The following SEPTIN9 variants were observed in gnomAD, a reference collection of about 807,000 sequenced individuals.
The protein encoded by SEPTIN9 is septin-9.
SEPTIN9 carries 13 observed loss-of-function variants against 56.6 expected under a neutral mutation model. The ratio of observed to expected loss-of-function variants is 0.23; its 90% CI spans 0.15 to 0.37. The LOEUF (loss-of-function observed/expected upper bound fraction) is 0.37, where lower values mean the gene tolerates loss of function less well. Among genes scored for constraint, SEPTIN9 ranks in the 10% least tolerant of loss-of-function variants. The probability of loss-of-function intolerance (pLI) is 1.00; values close to 1 mark genes in which losing one functional copy is unlikely to be tolerated. For missense variants in SEPTIN9, 650 were observed against 823.1 expected, an observed-to-expected ratio of 0.79 and a Z score of 2.57; for synonymous variants, 332 against 334.1, an observed-to-expected ratio of 0.99 and a Z score of 0.07.
intron 2 of SEPTIN9, chr17:77,376,224 G>T (rs1346168737): frequency 6.1e-6 from 6 of 986,072 alleles, no homozygotes; most frequent in Non-Finnish European, 7.2e-6. Context: ...CATAAGGAGG[G>T]GCCTGCCTGT....
intron 4 of SEPTIN9, among the ~76,000 whole-genome samples, chr17:77,484,361 C>G (rs1428759748): frequency 5.8e-5 from 5 of 86,250 alleles, no homozygotes; most frequent in African/African-American, 9.8e-5. Flanking sequence ...TGATAGTGAT[C>G]ATGAGGGTGA....
chr17:77,368,151 A>G lies in SEPTIN9; in HGVS notation c.77-33908A>G, dbSNP rs184248054. 4.1e-3 allele frequency among the ~76,000 whole-genome samples: 626 copies of G among 152,280 alleles called. 2 individuals carry two copies. Among genetic ancestry groups the G allele is most frequent in the Non-Finnish European group, 5.6e-3 (379 of 68,016 alleles). ...AATGACGGTTGCCAGCAGCTAGGGG[A>G]AGGAAGGATGGGGAGTTATTGTTTA... On this transcript the variant is annotated intron_variant, in intron 2 of 11. Coordinates refer to ENST00000427177, the MANE Select transcript of SEPTIN9 (RefSeq NM_001113491.2).
In SEPTIN9 at chr17:77,435,031, C is replaced by A. The variant is rs1340347644; in HGVS notation, c.721+32328C>A. On this transcript the variant is annotated intron_variant, in intron 3 of 11. Coordinates refer to ENST00000427177, the MANE Select transcript of SEPTIN9 (RefSeq NM_001113491.2). This position sits in a 1 kb window ranked among gnomAD's most constrained non-coding sequence, Gnocchi z 4.5. ...ATGGTAACAAGGGCTTCCTGAGGAC[C>A]CCGAGCTGTCTTAAGGGCTCTTTAC... is the stretch of plus-strand genomic sequence containing the variant. Among the ~76,000 whole-genome samples, 1 of 152,110 alleles carries A rather than the reference C, an allele frequency of 6.6e-6. No homozygotes were observed. The highest frequency in any genetic ancestry group is 1.5e-5 in the Non-Finnish European group (1 of 68,008).
intron 7 of SEPTIN9, among the ~76,000 whole-genome samples, chr17:77,490,212 T>C (rs2039965986): frequency 6.6e-6 from 1 of 152,214 alleles, no homozygotes; most frequent in Non-Finnish European, 1.5e-5. Context: ...CTGGGGAAGA[T>C]GGTGCCCCAG....
intron 2 of SEPTIN9, among the ~76,000 whole-genome samples, chr17:77,380,479 A>C (rs909546685): frequency 1.3e-5 from 2 of 151,950 alleles, no homozygotes. Flanking sequence ...GCCAACTGGG[A>C]AAGCCATCAT....
intron 3 of SEPTIN9, among the ~76,000 whole-genome samples, chr17:77,416,992 G>A (rs555313657): frequency 2.0e-5 from 3 of 152,322 alleles, no homozygotes; most frequent in South Asian, 4.1e-4. Flanking sequence ...CAGCCTTCTC[G>A]AGGAGTTACA....
chr17:77,486,521 TGCGCGCACGCGCGC>T lies in SEPTIN9; in HGVS notation c.914-899_914-886del, dbSNP rs1215777032. On this transcript the variant is annotated intron_variant, in intron 4 of 11. Coordinates refer to ENST00000427177, the MANE Select transcript of SEPTIN9 (RefSeq NM_001113491.2). ...GTGTGTGTGTGTGTGTGTGTGTGTGTGCGCGCACGCGCGCGCGTGTTATATGTGATTTGTTTGTG... is the reference window on the plus strand; with the variant it reads ...GTGTGTGTGTGTGTGTGTGTGTGTGTGCGTGTTATATGTGATTTGTTTGTG... 2.2e-4 allele frequency among the ~76,000 whole-genome samples: 26 copies of T among 120,132 alleles called. 1 individual carries two copies. The highest frequency in any genetic ancestry group is 1.0e-3 in the African/African-American group (25 of 24,944). 78.8% of individuals were successfully genotyped at this position (120,132 alleles called of 152,430 possible).
At chr17:77,336,319 A>G (rs1489734566) in intron 2 of SEPTIN9, among the ~76,000 whole-genome samples, 1 of 152,184 alleles carries the variant, frequency 6.6e-6, no homozygotes, top group Non-Finnish European at 1.5e-5. Flanking sequence ...AGATCAATTA[A>G]GGAAGAATTG....
At chr17:77,346,269 T>G (rs2033888237) in intron 2 of SEPTIN9, among the ~76,000 whole-genome samples, 1 of 141,522 alleles carries the variant, frequency 7.1e-6, no homozygotes, top group Admixed American at 7.2e-5. Context: ...TTAAAGCAGA[T>G]CCTTAGGTCT....
chr17:77,456,716 C>T lies in SEPTIN9; in HGVS notation c.722-25428C>T, dbSNP rs2038219728. ...GTACCCACAGCCAGGGACGGGCCCC[C>T]ATGGCCAGTACCAGATCTCAGGGAC... On this transcript the variant is annotated intron_variant, in intron 3 of 11. Coordinates refer to ENST00000427177, the MANE Select transcript of SEPTIN9 (RefSeq NM_001113491.2). The surrounding 1 kb of genome is among the most constrained non-coding windows in gnomAD (Gnocchi z 6.0). 2.0e-5 allele frequency among the ~76,000 whole-genome samples: 3 copies of T among 152,026 alleles called. No individual in the cohort carries two copies. The highest frequency in any genetic ancestry group is 2.0e-4 in the Admixed American group (3 of 15,276).
At chr17:77,334,697 T>G (rs1353830149) in intron 2 of SEPTIN9, among the ~76,000 whole-genome samples, 1 of 152,138 alleles carries the variant, frequency 6.6e-6, no homozygotes, top group Non-Finnish European at 1.5e-5. Context: ...TCTAGAAATT[T>G]TATAGTTGTA....
intron 2 of SEPTIN9, among the ~76,000 whole-genome samples, chr17:77,350,007 A>G (rs968186550): frequency 2.6e-5 from 4 of 152,178 alleles, no homozygotes; most frequent in African/African-American, 9.6e-5. Flanking sequence ...CTGGGTGGCT[A>G]TGGTGCCCTA....
intron 2 of SEPTIN9, among the ~76,000 whole-genome samples, chr17:77,309,982 CTT>C (rs112299918): frequency 2.4e-4 from 34 of 143,378 alleles, no homozygotes; most frequent in Non-Finnish European, 2.2e-4. Context: ...CCTAGGTCTC[CTT>C]TTTTTTTTTT....
chr17:77,483,478 C>G (rs1444805849), intron 4 of SEPTIN9: 1 of 152,654 alleles, frequency 6.6e-6, no homozygotes, highest in Non-Finnish European at 1.5e-5. Flanking sequence ...CGTGCTTGTA[C>G]CCTGAGGATT....
In SEPTIN9 at chr17:77,433,155, T is replaced by C. The variant is rs553280760; in HGVS notation, c.721+30452T>C. On this transcript the variant is annotated intron_variant, in intron 3 of 11. Transcript: ENST00000427177. The surrounding 1 kb of genome is among the most constrained non-coding windows in gnomAD (Gnocchi z 6.4). ...GAGCTTTTTTGTGCAAAATGAGATG[T>C]TCTGAGCATCGAGGATGCTGTGGGG... Among the ~76,000 whole-genome samples the C allele has an allele frequency of 6.5e-4, 99 of 152,254 alleles. No individual in the cohort carries two copies. Among genetic ancestry groups the C allele is most frequent in the Non-Finnish European group, 1.3e-3 (91 of 68,002 alleles).
intron 1 of SEPTIN9, among the ~76,000 whole-genome samples, chr17:77,283,957 A>T (rs1425783754): frequency 6.6e-6 from 1 of 152,226 alleles, no homozygotes; most frequent in African/African-American, 2.4e-5. Context: ...CCTCCTGAGC[A>T]GTTCAGCCTC....
At chr17:77,397,728 C>A (rs542175432) in intron 2 of SEPTIN9, among the ~76,000 whole-genome samples, 1 of 152,324 alleles carries the variant, frequency 6.6e-6, no homozygotes, top group Non-Finnish European at 1.5e-5. Context: ...GGGCTCACTG[C>A]AACCTCTGCC....
rs2143112982 is a variant in SEPTIN9 at position 77,475,852 on chromosome 17, G to C, written c.722-6292G>C. On this transcript the variant is annotated intron_variant, in intron 3 of 11. Transcript: ENST00000427177. This position sits in a 1 kb window ranked among gnomAD's most constrained non-coding sequence, Gnocchi z 4.6. ...TGGCTTCACAGGCCTCCGTGGGCAG[G>C]AGGAGGATGACCTTGCATTCTGCTT... 6.2e-7 allele frequency: 1 copy of C among 1,613,538 alleles called. No individual in the cohort carries two copies. Among genetic ancestry groups the C allele is most frequent in the Non-Finnish European group, 8.5e-7 (1 of 1,179,844 alleles).
At chr17:77,298,590 G>A (rs1006495103) in intron 1 of SEPTIN9, among the ~76,000 whole-genome samples, 8 of 152,160 alleles carry the variant, frequency 5.3e-5, no homozygotes, top group African/African-American at 9.7e-5. Context: ...TGGTTCTCTC[G>A]GCCTCAGGTT....
Sources: allele counts gnomAD v4.1 joint callset (sites outside exome capture counted in the v4.1 genomes callset), GRCh38; gene constraint gnomAD v4.1.1; non-coding constraint Gnocchi (gnomAD v3.1); transcripts MANE v1.5; gene names NCBI Gene and HGNC (gene_info 2026-07-23, HGNC 2026-07-21).